Variants in SLC12A1 observed in about 807,000 individuals in gnomAD.
SLC12A1 encodes Na-K-2Cl cotransporter.
A neutral mutation model predicts 130.4 loss-of-function variants in SLC12A1; 89 were observed. The observed-to-expected ratio is 0.68, with a 90% CI of 0.58 to 0.81. SLC12A1 has a LOEUF of 0.81. Ranked by LOEUF, SLC12A1 falls within the 40% of genes least tolerant of loss-of-function variation. SLC12A1 has a pLI of 0.00. For synonymous variants in SLC12A1, 499 were observed against 460.0 expected (o/e 1.08, Z -1.09); for missense variants, 1,310 against 1,336.4 (o/e 0.98, Z 0.31).
intron 25 of SLC12A1, among the ~76,000 whole-genome samples, chr15:48,300,519 C>A (rs368708994): frequency 1.8e-4 from 27 of 152,172 alleles, no homozygotes; most frequent in African/African-American, 6.5e-4. Context: ...GCCCACCATG[C>A]CCTACATAAA....
At chr15:48,240,049 CCATATATATATATATATA>C (rs2041490696) in intron 9 of SLC12A1, among the ~76,000 whole-genome samples, 2 of 3,984 alleles carry the variant, frequency 5.0e-4, no homozygotes, top group Non-Finnish European at 3.5e-3. Flanking sequence ...ATATATATAT[CCATATATATATATATATA>C]TATCCATATA....
At chr15:48,230,628 G>A in intron 7 of SLC12A1, 125 bp downstream of exon 7, 1 of 687,120 alleles carries the variant, frequency 1.5e-6, no homozygotes, top group Non-Finnish European at 2.6e-6. Flanking sequence ...AAATGAGCAG[G>A]CAAGTGCTAG....
intron 19 of SLC12A1, among the ~76,000 whole-genome samples, chr15:48,272,982 C>T (rs1340682598): frequency 6.6e-6 from 1 of 151,400 alleles, no homozygotes; most frequent in Non-Finnish European, 1.5e-5. Context: ...GTGGTGCACA[C>T]CTGTAATTCC....
At chr15:48,217,272 G>C (rs950093138) in intron 2 of SLC12A1, among the ~76,000 whole-genome samples, 1 of 151,962 alleles carries the variant, frequency 6.6e-6, no homozygotes, top group Admixed American at 6.6e-5. Flanking sequence ...AAATGTAAGG[G>C]TCCATCTCTA....
chr15:48,262,925 A>C (rs2041791858), intron 17 of SLC12A1, among the ~76,000 whole-genome samples: 1 of 152,176 alleles, frequency 6.6e-6, no homozygotes, highest in African/African-American at 2.4e-5. Context: ...ATGTATCCTG[A>C]CACATATAAG....
intron 16 of SLC12A1, among the ~76,000 whole-genome samples, chr15:48,256,603 G>A (rs1042665930): frequency 1.2e-4 from 18 of 152,150 alleles, no homozygotes; most frequent in African/African-American, 3.9e-4. Flanking sequence ...CTTACATGGC[G>A]GCAGGCAAGG....
chr15:48,247,567 A>G (rs753226495), intron 13 of SLC12A1, 107 bp downstream of exon 13: 21 of 841,026 alleles, frequency 2.5e-5, no homozygotes, highest in Non-Finnish European at 3.8e-5. Context: ...TTAGGATCCC[A>G]TTTGGGAATA....
At chr15:48,300,337 A>G (rs868411780) in intron 25 of SLC12A1, among the ~76,000 whole-genome samples, 25 of 152,014 alleles carry the variant, frequency 1.6e-4, no homozygotes, top group Middle Eastern at 3.4e-3. Flanking sequence ...AAAAAAAAAA[A>G]AGAGAGAGAG....
intron 20 of SLC12A1, among the ~76,000 whole-genome samples, chr15:48,276,031 G>C (rs2041949523): frequency 6.6e-6 from 1 of 152,152 alleles, no homozygotes; most frequent in African/African-American, 2.4e-5. Context: ...CAGTAGGGAT[G>C]GAGAGAAAAG....
intron 16 of SLC12A1, among the ~76,000 whole-genome samples, chr15:48,256,329 A>G (rs1030467959): frequency 2.0e-5 from 3 of 152,208 alleles, no homozygotes; most frequent in Non-Finnish European, 2.9e-5. Context: ...ATAAAACCTC[A>G]AGCGCAAGCT....
rs548873569 is a variant in SLC12A1 at position 48,302,696 on chromosome 15, A to G, written c.3165-54A>G. The G allele has an allele frequency of 9.0e-6, 12 of 1,337,754 alleles. No homozygotes were observed. In the African/African-American group the frequency reaches 1.6e-4, roughly 18 times the overall value. 82.9% of individuals were successfully genotyped at this position (1,337,754 alleles called of 1,614,324 possible). A position where few individuals can be genotyped will look rare whatever the true frequency, so the allele number is the denominator to read the frequency against. ...ATAGCTCAGAAATACTAGTGCCGTT[A>G]CTACCTATAGTAATTTTCACTTTCA... is the stretch of plus-strand genomic sequence containing the variant. On this transcript the variant is annotated intron_variant, in intron 26 of 26. Transcript: ENST00000380993.
intron 5 of SLC12A1, chr15:48,228,475 T>C (rs1052209150): frequency 2.6e-5 from 4 of 155,892 alleles, no homozygotes; most frequent in African/African-American, 4.8e-5. Context: ...AAAACCAAGT[T>C]TGATTTATCG....
chr15:48,268,970 C>T (rs1227018347), intron 18 of SLC12A1, among the ~76,000 whole-genome samples: 2 of 152,126 alleles, frequency 1.3e-5, no homozygotes, highest in Non-Finnish European at 2.9e-5. Flanking sequence ...TGCATACATT[C>T]ATATGAATTT....
rs138046213 is a variant in SLC12A1, at chr15:48,246,641, C to T, written c.1453-268C>T. ...ACTAGAAATACAAAAATTAGCGAGG[C>T]GTGGTAGCAGGTGCCTGTAATCCCA... On this transcript the variant is annotated intron_variant, in intron 11 of 26. Coordinates refer to ENST00000380993, the MANE Select transcript of SLC12A1 (RefSeq NM_000338.3). Among the ~76,000 whole-genome samples, 2,674 of 152,088 alleles carry T rather than the reference C, an allele frequency of 0.018. 43 individuals are homozygous for T. The highest frequency in any genetic ancestry group is 0.029 in the Non-Finnish European group (1,957 of 67,988).
rs147460374 is a variant in SLC12A1, at chr15:48,263,437, C to A, written c.2155-4124C>A. On this transcript the variant is annotated intron_variant, in intron 17 of 26. Transcript: ENST00000380993. ...TAAGAATTTTTTAAAAAGATTGATT[C>A]TGTTTTTAAATTTTGAAACACTAAA... is the stretch of plus-strand genomic sequence containing the variant. 5.8e-4 allele frequency among the ~76,000 whole-genome samples: 88 copies of A among 152,096 alleles called. 1 individual carries two copies. The East Asian group carries it at 0.015, about 26-fold the overall frequency.
intron 2 of SLC12A1, among the ~76,000 whole-genome samples, chr15:48,216,420 A>T (rs1597397450): frequency 6.6e-6 from 1 of 152,174 alleles, no homozygotes; most frequent in South Asian, 2.1e-4. Flanking sequence ...ATCAATTCAT[A>T]TCTAAGGGTC....
At chr15:48,254,639 AG>A (rs1467175607) in intron 15 of SLC12A1, among the ~76,000 whole-genome samples, 3 of 147,486 alleles carry the variant, frequency 2.0e-5, no homozygotes, top group African/African-American at 5.1e-5. Context: ...AACCCAAAAA[AG>A]ACCGGGCACG....
intron 21 of SLC12A1, among the ~76,000 whole-genome samples, chr15:48,287,588 G>A (rs931912171): frequency 3.9e-5 from 6 of 151,930 alleles, no homozygotes; most frequent in Non-Finnish European, 8.8e-5. Flanking sequence ...CCTAATGAAC[G>A]GATATTTCTG....
intron 12 of SLC12A1, 69 bp from the exon 13 acceptor site, chr15:48,247,268 T>G (rs2041593416): frequency 2.7e-6 from 4 of 1,503,660 alleles, no homozygotes; most frequent in Non-Finnish European, 3.6e-6. Context: ...ATCTTCTTGT[T>G]TGAATCACCT....
Sources: gnomAD v4.1 joint callset for allele counts (sites outside exome capture counted in the v4.1 genomes callset) on GRCh38, gnomAD v4.1.1 for gene constraint, MANE v1.5 for transcripts, NCBI Gene and HGNC (gene_info 2026-07-23, HGNC 2026-07-21) for gene names.